The following RAB6A variants were observed in gnomAD, a reference collection of about 807,000 sequenced individuals.
The protein encoded by RAB6A is ras-related protein Rab-6A.
RAB6A carries 8 observed loss-of-function variants against 32.3 expected under a neutral mutation model. That is an observed-to-expected ratio of 0.25 (90% CI 0.15 to 0.45). RAB6A has a LOEUF of 0.45. RAB6A is among the 20% of genes least tolerant of loss of function. The pLI is 1.00. For synonymous variants in RAB6A, 73 were observed against 82.1 expected (o/e 0.89, Z 0.60); for missense variants, 104 against 249.4 (o/e 0.42, Z 3.93).
chr11:73,733,560 A>AAAT (rs1565371186), intron 1 of RAB6A, among the ~76,000 whole-genome samples: 70 of 142,182 alleles, frequency 4.9e-4, no homozygotes, highest in African/African-American at 1.6e-3. Context: ...CAAAAAAAAA[A>AAAT]AAATAAATAA....
At chr11:73,711,017 G>C (rs991918726) in intron 5 of RAB6A, among the ~76,000 whole-genome samples, 6 of 152,082 alleles carry the variant, frequency 3.9e-5, no homozygotes, top group African/African-American at 1.4e-4. Flanking sequence ...CCACTAATTG[G>C]GACTCAAAGG....
chr11:73,719,654 C>T (rs1444718441), intron 3 of RAB6A, among the ~76,000 whole-genome samples: 4 of 149,864 alleles, frequency 2.7e-5, no homozygotes, highest in African/African-American at 7.4e-5. Context: ...TCATTCTTGT[C>T]GCTCAGGCTG....
chr11:73,679,870 A>G (rs1945327450), intron 6 of RAB6A, 150 bp from the exon 7 acceptor site: 2 of 912,216 alleles, frequency 2.2e-6, no homozygotes, highest in African/African-American at 1.7e-5. Context: ...CGAGGTGGGC[A>G]GATCACTTGA....
intron 1 of RAB6A, among the ~76,000 whole-genome samples, chr11:73,747,852 C>A (rs1036402905): frequency 1.1e-4 from 17 of 152,182 alleles, no homozygotes; most frequent in African/African-American, 3.9e-4. Flanking sequence ...GGCAAAACTA[C>A]CACAGAACTG....
intron 4 of RAB6A, 68 bp downstream of exon 4, chr11:73,718,545 C>A: frequency 7.6e-7 from 1 of 1,309,256 alleles, no homozygotes; most frequent in Non-Finnish European, 1.1e-6. Flanking sequence ...AAGCACAAGA[C>A]AAGAACATGC....
intron 1 of RAB6A, among the ~76,000 whole-genome samples, chr11:73,742,275 C>A (rs1037345790): frequency 6.6e-6 from 1 of 151,880 alleles, no homozygotes; most frequent in Non-Finnish European, 1.5e-5. Flanking sequence ...GAGCGAGACT[C>A]TGTCTCAAAA....
At chr11:73,728,564 G>A (rs1946257562) in intron 2 of RAB6A, among the ~76,000 whole-genome samples, 1 of 149,368 alleles carries the variant, frequency 6.7e-6, no homozygotes, top group African/African-American at 2.4e-5. Context: ...CTTGGGCCCA[G>A]GAGTTCAATA....
At chr11:73,687,882 G>A (rs567498039) in intron 6 of RAB6A, among the ~76,000 whole-genome samples, 1 of 152,084 alleles carries the variant, frequency 6.6e-6, no homozygotes, top group Non-Finnish European at 1.5e-5. Context: ...AGTCACGGAT[G>A]TTACCTTGTA....
chr11:73,731,950 A>T (rs1946322034), intron 1 of RAB6A, among the ~76,000 whole-genome samples: 1 of 150,906 alleles, frequency 6.6e-6, no homozygotes, highest in South Asian at 2.1e-4. Context: ...CATCATGGCC[A>T]GGATGGTCTT....
chr11:73,711,962 G>T (rs1296969600), intron 5 of RAB6A, among the ~76,000 whole-genome samples: 1 of 152,042 alleles, frequency 6.6e-6, no homozygotes, highest in African/African-American at 2.4e-5. Context: ...CTATAGTGAT[G>T]TTTATCTTTT....
chr11:73,711,304 T>C (rs1281768146), intron 5 of RAB6A, among the ~76,000 whole-genome samples: 2 of 151,882 alleles, frequency 1.3e-5, no homozygotes, highest in South Asian at 2.1e-4. Context: ...CTCATTTTGC[T>C]TTAGGTAATG....
chr11:73,716,253 CTT>C lies in RAB6A; in HGVS notation c.397_398del (p.Lys133GlufsTer6), dbSNP rs1946050699. 1 of 1,599,062 alleles carries C rather than the reference CTT, an allele frequency of 6.3e-7. No individual in the cohort carries two copies. Among genetic ancestry groups the C allele is most frequent in the Non-Finnish European group, 8.6e-7 (1 of 1,166,678 alleles). The part of the protein sequence containing the change: ...LVGNKTDLAD[K>X]RQVSIEEGER... Reference sequence around the variant, plus strand: ...ACACATATAAAATAACTCCATACCTCTTGTCAGCAAGATCTGTTTTATTTCCT... The same window carrying C: ...ACACATATAAAATAACTCCATACCTCGTCAGCAAGATCTGTTTTATTTCCT... On this transcript the variant is annotated frameshift_variant, in exon 5 of 8. Transcript: ENST00000336083. LOFTEE classifies it high-confidence loss of function.
intron 5 of RAB6A, among the ~76,000 whole-genome samples, chr11:73,708,535 A>T (rs927440316): frequency 6.6e-6 from 1 of 152,220 alleles, no homozygotes; most frequent in Non-Finnish European, 1.5e-5. Flanking sequence ...CTCTAGATAC[A>T]AAATATTAAT....
intron 1 of RAB6A, among the ~76,000 whole-genome samples, chr11:73,742,471 A>G (rs1189043293): frequency 6.6e-6 from 1 of 152,104 alleles, no homozygotes; most frequent in African/African-American, 2.4e-5. Context: ...AAAGCTGCAG[A>G]TAAGAAAGAT....
In RAB6A at chr11:73,680,438, C is replaced by T. The variant is rs992658087; in HGVS notation, c.496-718G>A. Among the ~76,000 whole-genome samples the T allele has an allele frequency of 5.9e-5, 9 of 152,110 alleles. 1 individual carries two copies. The highest frequency in any genetic ancestry group is 1.2e-4 in the African/African-American group (5 of 41,434). On this transcript the variant is annotated intron_variant, in intron 6 of 7. Coordinates refer to ENST00000336083, the MANE Select transcript of RAB6A (RefSeq NM_198896.2). Reference sequence around the variant, plus strand: ...TTGGGAGGCCAAGGGGTGTGGATCACGAGGTCAGGAGTTCAAGACCAGCCT... The same window carrying T: ...TTGGGAGGCCAAGGGGTGTGGATCATGAGGTCAGGAGTTCAAGACCAGCCT...
In RAB6A at chr11:73,676,353, C is replaced by G; in HGVS notation, c.*1545G>C. On this transcript the variant is annotated 3_prime_UTR_variant, in exon 8 of 8. Coordinates refer to ENST00000336083, the MANE Select transcript of RAB6A (RefSeq NM_198896.2). ...TGTTTATTAGCTTACACAGCAATCT[C>G]ACAATAACTAGTAAAGATTAAAAGG... The G allele has an allele frequency of 6.0e-6, 1 of 167,018 alleles. No individual in the cohort carries two copies. 10.3% of individuals were successfully genotyped at this position (167,018 alleles called of 1,614,324 possible).
intron 1 of RAB6A, among the ~76,000 whole-genome samples, chr11:73,758,448 T>C (rs757549086): frequency 2.0e-5 from 3 of 152,156 alleles, no homozygotes; most frequent in African/African-American, 4.8e-5. Flanking sequence ...CTCTACACTA[T>C]CTTTTCAATT....
intron 1 of RAB6A, among the ~76,000 whole-genome samples, chr11:73,735,420 A>C (rs1401450429): frequency 1.3e-5 from 2 of 152,212 alleles, no homozygotes. Flanking sequence ...AAACAATCAG[A>C]ACATAGTACT....
At chr11:73,691,344 C>CT (rs1945559357) in intron 6 of RAB6A, among the ~76,000 whole-genome samples, 2 of 152,102 alleles carry the variant, frequency 1.3e-5, no homozygotes, top group African/African-American at 4.8e-5. Flanking sequence ...CCAGCTAATT[C>CT]TTTATTTTTT....
Sources: allele counts gnomAD v4.1 joint callset (sites outside exome capture counted in the v4.1 genomes callset), GRCh38; gene constraint gnomAD v4.1.1; transcripts MANE v1.5; gene names NCBI Gene and HGNC (gene_info 2026-07-23, HGNC 2026-07-21).